ASTN2: variants seen among roughly 807,000 people sequenced by gnomAD.
ASTN2 encodes the protein astrotactin-2.
A neutral mutation model predicts 139.8 loss-of-function variants in ASTN2; 54 were observed. The ratio of observed to expected loss-of-function variants is 0.39; its 90% CI spans 0.31 to 0.48. The LOEUF (loss-of-function observed/expected upper bound fraction) is 0.48, where lower values mean the gene tolerates loss of function less well. ASTN2 is among the 20% of genes least tolerant of loss of function. ASTN2 has a pLI of 0.95. For synonymous variants in ASTN2, 756 were observed against 719.5 expected, an observed-to-expected ratio of 1.05 and a Z score of -0.81; for missense variants, 1,565 against 1,725.1, an observed-to-expected ratio of 0.91 and a Z score of 1.64.
intron 6 of ASTN2, among the ~76,000 whole-genome samples, chr9:117,013,772 G>A (rs1837599451): frequency 6.6e-6 from 1 of 152,068 alleles, no homozygotes; most frequent in Non-Finnish European, 1.5e-5. Flanking sequence ...GAAACAGAAG[G>A]CTACAGATGA....
intron 3 of ASTN2, among the ~76,000 whole-genome samples, chr9:117,142,131 C>T (rs937763591): frequency 1.3e-5 from 2 of 152,100 alleles, no homozygotes; most frequent in African/African-American, 4.8e-5. Flanking sequence ...AAAGAGGAGG[C>T]TTATGGGAGA....
intron 19 of ASTN2, among the ~76,000 whole-genome samples, chr9:116,489,490 C>T (rs1260482875): frequency 8.5e-5 from 13 of 152,116 alleles, no homozygotes; most frequent in Admixed American, 7.9e-4. Flanking sequence ...GCATGCACCA[C>T]CACACCCAGC....
chr9:117,213,108 A>G (rs1832194576), intron 3 of ASTN2, among the ~76,000 whole-genome samples: 1 of 152,224 alleles, frequency 6.6e-6, no homozygotes, highest in Non-Finnish European at 1.5e-5. Context: ...GCCATAAATA[A>G]GAATGAAATC....
At chr9:117,173,487 C>T (rs1830842424) in intron 3 of ASTN2, among the ~76,000 whole-genome samples, 2 of 152,084 alleles carry the variant, frequency 1.3e-5, no homozygotes, top group Non-Finnish European at 2.9e-5. Flanking sequence ...AGTAGCCATG[C>T]TCCAGGGTAC....
chr9:116,437,466 C>T (rs1847694181), intron 22 of ASTN2: 1 of 471,224 alleles, frequency 2.1e-6, no homozygotes, highest in African/African-American at 2.0e-5. Context: ...TGGCTGGTGA[C>T]TGCCTGACTA....
At chr9:117,172,422 C>G (rs886234307) in intron 3 of ASTN2, among the ~76,000 whole-genome samples, 4 of 152,092 alleles carry the variant, frequency 2.6e-5, no homozygotes, top group Non-Finnish European at 4.4e-5. Flanking sequence ...TATAGGCATA[C>G]ATAAAGAAAA....
At chr9:117,367,510 G>T (rs185974267) in intron 1 of ASTN2, among the ~76,000 whole-genome samples, 6 of 151,478 alleles carry the variant, frequency 4.0e-5, no homozygotes, top group Admixed American at 2.0e-4. Flanking sequence ...AAAGAGAAGG[G>T]TGTGTGTGTG....
intron 10 of ASTN2, among the ~76,000 whole-genome samples, chr9:116,913,247 T>C (rs1173442691): frequency 6.6e-6 from 1 of 152,218 alleles, no homozygotes; most frequent in Non-Finnish European, 1.5e-5. Context: ...GTTTCTCATA[T>C]GCAAAATAAG....
intron 13 of ASTN2, among the ~76,000 whole-genome samples, chr9:116,754,292 G>C (rs982673464): frequency 6.6e-6 from 1 of 152,136 alleles, no homozygotes; most frequent in Non-Finnish European, 1.5e-5. Flanking sequence ...TGTCTTTATA[G>C]TAGAATGATT....
intron 13 of ASTN2, among the ~76,000 whole-genome samples, chr9:116,773,868 C>T (rs1400059033): frequency 6.6e-6 from 1 of 152,232 alleles, no homozygotes. Flanking sequence ...GATTGGACCA[C>T]CCATGCACTT....
intron 10 of ASTN2, among the ~76,000 whole-genome samples, chr9:116,907,906 T>C (rs1256922783): frequency 2.6e-5 from 4 of 152,160 alleles, no homozygotes. Flanking sequence ...TGCTCATTAC[T>C]GAAGGCTGTA....
chr9:116,580,061 C>T lies in ASTN2; in HGVS notation c.3355+38263G>A, dbSNP rs977065095. Among the ~76,000 whole-genome samples the T allele has an allele frequency of 1.7e-4, 26 of 152,296 alleles. 1 individual carries two copies. The highest frequency in any genetic ancestry group is 1.6e-3 in the Admixed American group (25 of 15,298). On this transcript the variant is annotated intron_variant, in intron 19 of 22. Coordinates refer to ENST00000313400, the MANE Select transcript of ASTN2 (RefSeq NM_001365068.1). Reference sequence around the variant, plus strand: ...GGTCTCAAACTCCTGACTTCGTGATCCACCCACCTTGGCCTCCCAAAGTGC... The same window carrying T: ...GGTCTCAAACTCCTGACTTCGTGATTCACCCACCTTGGCCTCCCAAAGTGC...
At chr9:116,697,500 C>T in intron 16 of ASTN2, 1 of 521,072 alleles carries the variant, frequency 1.9e-6, no homozygotes. Flanking sequence ...GGTTTGTTTC[C>T]CTATCTGTCA....
chr9:117,168,481 T>C (rs182290700), intron 3 of ASTN2, among the ~76,000 whole-genome samples: 1 of 152,202 alleles, frequency 6.6e-6, no homozygotes, highest in East Asian at 1.9e-4. Context: ...TGATGAAGTA[T>C]GGGAGTTTTT....
chr9:117,007,325 C>T (rs1837385386), intron 7 of ASTN2, among the ~76,000 whole-genome samples: 1 of 152,094 alleles, frequency 6.6e-6, no homozygotes, highest in Non-Finnish European at 1.5e-5. Flanking sequence ...CTTGTTTGAC[C>T]ACTGCAGCAC....
intron 13 of ASTN2, among the ~76,000 whole-genome samples, chr9:116,763,190 T>G (rs1829718852): frequency 6.6e-6 from 1 of 152,206 alleles, no homozygotes; most frequent in African/African-American, 2.4e-5. Flanking sequence ...TGTTTGTCAC[T>G]GTCTATGCAA....
chr9:117,239,469 G>A (rs1833143615), intron 2 of ASTN2, among the ~76,000 whole-genome samples: 1 of 152,214 alleles, frequency 6.6e-6, no homozygotes, highest in Non-Finnish European at 1.5e-5. Flanking sequence ...CTGGGCCACT[G>A]TTGTCGGGGC....
intron 6 of ASTN2, among the ~76,000 whole-genome samples, chr9:117,019,481 T>G (rs914438094): frequency 6.6e-6 from 1 of 152,084 alleles, no homozygotes; most frequent in African/African-American, 2.4e-5. Flanking sequence ...CCTGGGGCAA[T>G]GTAATAACAG....
chr9:117,079,021 C>T (rs1254000529), intron 5 of ASTN2, among the ~76,000 whole-genome samples: 1 of 152,176 alleles, frequency 6.6e-6, no homozygotes, highest in Non-Finnish European at 1.5e-5. Flanking sequence ...CAGGCTTGAG[C>T]CACTGCACCC....
Sources: allele counts gnomAD v4.1 joint callset (sites outside exome capture counted in the v4.1 genomes callset), GRCh38; gene constraint gnomAD v4.1.1; transcripts MANE v1.5; gene names NCBI Gene and HGNC (gene_info 2026-07-23, HGNC 2026-07-21).